STAB2: variants seen among roughly 807,000 people sequenced by gnomAD.
STAB2 encodes stabilin-2.
A neutral mutation model predicts 338.1 loss-of-function variants in STAB2; 288 were observed. That is an observed-to-expected ratio of 0.85 (90% CI 0.77 to 0.94). STAB2 has a LOEUF of 0.94. STAB2 is among the 40% of genes least tolerant of loss of function. The probability of loss-of-function intolerance (pLI) is 0.00; values close to 1 mark genes in which losing one functional copy is unlikely to be tolerated. For missense variants in STAB2, 3,141 were observed against 3,210.1 expected (o/e 0.98, Z 0.52); for synonymous variants, 1,202 against 1,193.3 (o/e 1.01, Z -0.15).
intron 18 of STAB2, among the ~76,000 whole-genome samples, chr12:103,664,596 C>T (rs1360884742): frequency 6.6e-6 from 1 of 152,194 alleles, no homozygotes; most frequent in African/African-American, 2.4e-5. Context: ...AGTGATTGCT[C>T]TGACAATATC....
chr12:103,690,438 T>C lies in STAB2; in HGVS notation c.3197T>C (p.Leu1066Pro). Reference protein sequence around the residue: ...IPALIKYHMLLGTYRVADLQT... With the variant: ...IPALIKYHMLPGTYRVADLQT... ...TATTGTTTCAGGTACCATATGCTAC[T>C]AGGCACATACAGAGTGGCAGATCTG... The change falls in exon 30 of 69, where the codon CTA (leucine) becomes CCA (proline). Residue 1066 changes from leucine to proline, a missense_variant. Transcript: ENST00000388887. 6.2e-7 allele frequency: 1 copy of C among 1,613,898 alleles called. No individual in the cohort carries two copies. Among genetic ancestry groups the C allele is most frequent in the East Asian group, 2.2e-5 (1 of 44,892 alleles).
rs368930302 is a variant in STAB2, at chr12:103,758,309, C to A, written c.7107+20C>A. The A allele has an allele frequency of 1.4e-5, 23 of 1,611,418 alleles. No homozygotes were observed. Among genetic ancestry groups the A allele is most frequent in the African/African-American group, 2.7e-5 (2 of 74,928 alleles). On this transcript the variant is annotated intron_variant, in intron 64 of 68. Transcript: ENST00000388887. The stretch of plus-strand genomic sequence containing the variant: ...AATGAGGTGAGTTGAGTCCCTGGTG[C>A]CTTTGCTTTAGACTAGCATGTTATC...
At chr12:103,701,123 G>A (rs1347366214) in intron 34 of STAB2, among the ~76,000 whole-genome samples, 6 of 151,284 alleles carry the variant, frequency 4.0e-5, no homozygotes, top group African/African-American at 1.2e-4. Context: ...TTGTTCTTGC[G>A]ATAGTTTACT....
chr12:103,690,830 T>C (rs1877874276), intron 30 of STAB2, among the ~76,000 whole-genome samples: 1 of 152,222 alleles, frequency 6.6e-6, no homozygotes, highest in African/African-American at 2.4e-5. Flanking sequence ...GGATGTGCAA[T>C]TCCACAACTT....
chr12:103,764,917 G>A (rs1328546581), intron 68 of STAB2, among the ~76,000 whole-genome samples: 5 of 144,326 alleles, frequency 3.5e-5, no homozygotes, highest in Non-Finnish European at 1.5e-5. Context: ...GGCCAACATG[G>A]TGAAATCCCA....
At position 103,737,692 on chromosome 12, in the gene STAB2, ACCTGGGTGTGG is replaced by A. The variant is rs780711014; in HGVS notation, c.5613_5623del (p.Gly1872ArgfsTer3). On this transcript the variant is annotated frameshift_variant, in exon 53 of 69. Transcript: ENST00000388887. LOFTEE classifies it high-confidence loss of function. ...ATTGTGCAGCGGGAGCTCTTGTTTG[ACCTGGGTGTGG>A]CCTACGGCATTGACTGTCTGCTGAT... 3 of 1,606,030 alleles carry A rather than the reference ACCTGGGTGTGG, an allele frequency of 1.9e-6. No homozygotes were observed. In the East Asian group the frequency reaches 6.7e-5, roughly 36 times the overall value.
rs972942552 is a variant in STAB2 at position 103,656,782 on chromosome 12, G to T, written c.1734+1201G>T. Among the ~76,000 whole-genome samples the T allele has an allele frequency of 3.7e-4, 55 of 150,006 alleles. No homozygotes were observed. The South Asian group carries it at 3.8e-3, about 10-fold the overall frequency. On this transcript the variant is annotated intron_variant, in intron 15 of 68. Coordinates refer to ENST00000388887, the MANE Select transcript of STAB2 (RefSeq NM_017564.10). The stretch of plus-strand genomic sequence containing the variant: ...GCTCACTGCAAGCTCCGCTTCCCGG[G>T]TTCACGCCATTCTCCTGCCTCAGCC...
chr12:103,701,352 C>G (rs1221971216), intron 34 of STAB2, among the ~76,000 whole-genome samples: 1 of 152,068 alleles, frequency 6.6e-6, no homozygotes, highest in African/African-American at 2.4e-5. Flanking sequence ...GATTTATAGT[C>G]CTTTGGGTAT....
intron 34 of STAB2, among the ~76,000 whole-genome samples, chr12:103,701,136 C>T (rs552713561): frequency 6.6e-6 from 1 of 151,380 alleles, no homozygotes; most frequent in African/African-American, 2.4e-5. Context: ...AGTTTACTGA[C>T]AATGATGATT....
intron 12 of STAB2, among the ~76,000 whole-genome samples, 167 bp downstream of exon 12, chr12:103,652,872 C>T (rs1053955807): frequency 6.6e-6 from 1 of 152,154 alleles, no homozygotes; most frequent in African/African-American, 2.4e-5. Flanking sequence ...ACAGCAACAC[C>T]AGGGAAGGCC....
chr12:103,755,713 C>G lies in STAB2; in HGVS notation c.6982C>G (p.Leu2328Val), dbSNP rs1382298174. The part of the protein sequence containing the change: ...LMSFPSLTNF[L>V]TEVLAYSNSS... ...GTCCTTCCCCTCACTCACAAACTTCCTGACGGTATGTACCATGTCTGCTTG... is the reference window on the plus strand; with the variant it reads ...GTCCTTCCCCTCACTCACAAACTTCGTGACGGTATGTACCATGTCTGCTTG... The change falls in exon 63 of 69, where the codon CTG becomes GTG. Residue 2328 changes from leucine (L) to valine (V), a missense_variant. Transcript: ENST00000388887. The G allele has an allele frequency of 6.2e-7, 1 of 1,614,134 alleles. No homozygotes were observed. Among genetic ancestry groups the G allele is most frequent in the South Asian group, 1.1e-5 (1 of 91,082 alleles).
intron 5 of STAB2, among the ~76,000 whole-genome samples, chr12:103,629,336 T>C (rs1312459839): frequency 6.6e-6 from 1 of 152,226 alleles, no homozygotes; most frequent in East Asian, 1.9e-4. Context: ...CCATGAGAAT[T>C]ACCCAGCAAC....
Position 103,631,676 on chromosome 12 carries a change from G to C in STAB2, c.566G>C (p.Gly189Ala), listed in dbSNP as rs775483668. 6.2e-7 allele frequency: 1 copy of C among 1,614,022 alleles called. No individual in the cohort carries two copies. The highest frequency in any genetic ancestry group is 1.3e-5 in the African/African-American group (1 of 74,910). Residue 189 changes from glycine to alanine, a missense_variant, in exon 6 of 69, where the codon GGC (glycine) becomes GCC (alanine). By Grantham distance (60) the Gly-to-Ala change is moderately conservative (BLOSUM62 0). Coordinates refer to ENST00000388887, the MANE Select transcript of STAB2 (RefSeq NM_017564.10). ...TGTGAGTGCTACTCTGCGTACACTGGCCCCAAGTGTGACAAGCGTAAGTAC... is the reference window on the plus strand; with the variant it reads ...TGTGAGTGCTACTCTGCGTACACTGCCCCCAAGTGTGACAAGCGTAAGTAC... ...GTCECYSAYT[G>A]PKCDKPIPEC...
In STAB2 at chr12:103,685,097, T is replaced by C; in HGVS notation, c.2997+13T>C. On this transcript the variant is annotated intron_variant, in intron 27 of 68. Coordinates refer to ENST00000388887, the MANE Select transcript of STAB2 (RefSeq NM_017564.10). The stretch of plus-strand genomic sequence containing the variant: ...AAACGCAGCAGTGGTAAGTCATCGA[T>C]GATGAACTCAATAATATAGACAAAA... 1 of 1,612,000 alleles carries C rather than the reference T, an allele frequency of 6.2e-7. No individual in the cohort carries two copies. The highest frequency in any genetic ancestry group is 8.5e-7 in the Non-Finnish European group (1 of 1,178,148).
chr12:103,727,845 C>T (rs570183859), intron 47 of STAB2, among the ~76,000 whole-genome samples: 15 of 152,214 alleles, frequency 9.9e-5, no homozygotes, highest in African/African-American at 3.6e-4. Flanking sequence ...CTCATTTGGT[C>T]CTCACAACAA....
intron 2 of STAB2, among the ~76,000 whole-genome samples, chr12:103,593,878 A>G (rs1275825539): frequency 6.6e-6 from 1 of 152,172 alleles, no homozygotes; most frequent in Non-Finnish European, 1.5e-5. Flanking sequence ...CTTCTAAGGA[A>G]CTCATCATTT....
At chr12:103,742,987 T>C (rs1325608508) in intron 56 of STAB2, among the ~76,000 whole-genome samples, 4 of 152,016 alleles carry the variant, frequency 2.6e-5, no homozygotes, top group African/African-American at 9.7e-5. Context: ...TACAAAGAGC[T>C]TAAGTGATTT....
intron 28 of STAB2, among the ~76,000 whole-genome samples, chr12:103,688,739 C>A (rs891939788): frequency 3.9e-5 from 6 of 152,146 alleles, no homozygotes; most frequent in African/African-American, 1.2e-4. Context: ...CCTCTCTGAA[C>A]CCCCCATCCC....
chr12:103,623,337 G>A (rs910274863), intron 5 of STAB2, among the ~76,000 whole-genome samples: 1 of 152,146 alleles, frequency 6.6e-6, no homozygotes, highest in African/African-American at 2.4e-5. Flanking sequence ...TGGGAATATG[G>A]TACCTTACAT....
Sources: allele counts gnomAD v4.1 joint callset (sites outside exome capture counted in the v4.1 genomes callset), GRCh38; gene constraint gnomAD v4.1.1; transcripts MANE v1.5; gene names NCBI Gene and HGNC (gene_info 2026-07-23, HGNC 2026-07-21).